GALNT13: variants seen among roughly 807,000 people sequenced by gnomAD.
The protein encoded by GALNT13 is polypeptide N-acetylgalactosaminyltransferase 13.
Under a neutral mutation model 64.2 loss-of-function variants are expected in GALNT13, and 28 were observed. That is an observed-to-expected ratio of 0.44 (90% CI 0.32 to 0.60). GALNT13 has a LOEUF of 0.60. Among genes scored for constraint, GALNT13 ranks in the 20% least tolerant of loss-of-function variants. The probability of loss-of-function intolerance (pLI) is 0.05; values close to 1 mark genes in which losing one functional copy is unlikely to be tolerated. For missense variants in GALNT13, 577 were observed against 669.8 expected, an observed-to-expected ratio of 0.86 and a Z score of 1.53; for synonymous variants, 214 against 224.6, an observed-to-expected ratio of 0.95 and a Z score of 0.42.
At chr2:153,428,932 A>G in the GALNT13 span, among the ~76,000 whole-genome samples, 1 of 152,188 alleles carries the variant, frequency 6.6e-6, no homozygotes, top group Non-Finnish European at 1.5e-5. Context: ...GCCTGGCCCT[A>G]TCAAAGTAGG....
chr2:153,117,414 G>C, the GALNT13 span, among the ~76,000 whole-genome samples: 1 of 152,152 alleles, frequency 6.6e-6, no homozygotes, highest in African/African-American at 2.4e-5. Context: ...GAGTGGGTAT[G>C]TGGATCCTCA....
Position 154,003,773 on chromosome 2 carries a change from C to T in GALNT13, c.142+59134C>T, listed in dbSNP as rs982515418. Among the ~76,000 whole-genome samples, 6 of 152,056 alleles carry T rather than the reference C, an allele frequency of 3.9e-5. No homozygotes were observed. In the East Asian group the frequency reaches 5.8e-4, roughly 15 times the overall value. On this transcript the variant is annotated intron_variant, in intron 3 of 12. Transcript: ENST00000392825. ...TGCTGTTTTCATGATAGTGAGTGGGCGAATTGTGAGATCTGGTTGTTTAAA... is the reference window on the plus strand; with the variant it reads ...TGCTGTTTTCATGATAGTGAGTGGGTGAATTGTGAGATCTGGTTGTTTAAA...
chr2:153,917,198 A>T (rs569365669), intron 2 of GALNT13, among the ~76,000 whole-genome samples: 2 of 151,802 alleles, frequency 1.3e-5, no homozygotes, highest in African/African-American at 4.8e-5. Flanking sequence ...GTCTGTGTGT[A>T]TGTATTTATT....
chr2:153,825,205 A>T, the GALNT13 span, among the ~76,000 whole-genome samples: 1 of 152,216 alleles, frequency 6.6e-6, no homozygotes, highest in Non-Finnish European at 1.5e-5. Flanking sequence ...TTGAAGTCAA[A>T]GATGCTGCTT....
intron 8 of GALNT13, among the ~76,000 whole-genome samples, chr2:154,299,898 A>G (rs1693329455): frequency 6.6e-6 from 1 of 151,920 alleles, no homozygotes; most frequent in South Asian, 2.1e-4. Context: ...CTGTTTAAAA[A>G]TTATAAAATA....
intron 9 of GALNT13, among the ~76,000 whole-genome samples, chr2:154,366,854 C>T (rs934206058): frequency 6.6e-6 from 1 of 152,058 alleles, no homozygotes; most frequent in African/African-American, 2.4e-5. Context: ...TCAAATAAGT[C>T]AATTCCAAAT....
At chr2:154,336,530 G>A (rs1345682604) in intron 9 of GALNT13, among the ~76,000 whole-genome samples, 1 of 151,980 alleles carries the variant, frequency 6.6e-6, no homozygotes, top group Non-Finnish European at 1.5e-5. Flanking sequence ...TTACTGTGTT[G>A]GCAAAGCATT....
the GALNT13 span, chr2:153,761,899 T>A: frequency 2.4e-5 from 4 of 168,858 alleles, no homozygotes; most frequent in African/African-American, 9.4e-5. Context: ...AAAAACAGCA[T>A]GGTCCTTTTC....
chr2:153,100,864 A>G, the GALNT13 span, among the ~76,000 whole-genome samples: 2 of 152,078 alleles, frequency 1.3e-5, no homozygotes, highest in African/African-American at 4.8e-5. Flanking sequence ...CCCCATCTCT[A>G]CTAAAAAATA....
the GALNT13 span, among the ~76,000 whole-genome samples, chr2:153,562,060 C>CTGTGTGTGTGTGTGTGTGTGTGTG: frequency 8.4e-6 from 1 of 118,904 alleles, no homozygotes; most frequent in African/African-American, 3.8e-5. Context: ...CTCTCTCTCT[C>CTGTGTGTGTGTGTGTGTGTGTGTG]TGTGTGTGTG....
At chr2:153,188,880 C>T in the GALNT13 span, among the ~76,000 whole-genome samples, 1 of 152,110 alleles carries the variant, frequency 6.6e-6, no homozygotes, top group Non-Finnish European at 1.5e-5. Flanking sequence ...ACATGTGATA[C>T]TTTGTTACAT....
chr2:154,379,082 G>A (rs1698140411), intron 9 of GALNT13, among the ~76,000 whole-genome samples: 1 of 151,990 alleles, frequency 6.6e-6, no homozygotes, highest in Non-Finnish European at 1.5e-5. Flanking sequence ...TACATAATGT[G>A]TGCTTAATAA....
At chr2:153,404,806 C>G in the GALNT13 span, among the ~76,000 whole-genome samples, 1 of 152,090 alleles carries the variant, frequency 6.6e-6, no homozygotes, top group African/African-American at 2.4e-5. Context: ...TGGCTAAATG[C>G]TAGGGTATTC....
chr2:153,357,070 A>G, the GALNT13 span, among the ~76,000 whole-genome samples: 3 of 152,096 alleles, frequency 2.0e-5, no homozygotes, highest in Admixed American at 2.0e-4. Context: ...GGCCTCCCAA[A>G]GTGCTGGGAT....
At chr2:153,205,359 C>G in the GALNT13 span, among the ~76,000 whole-genome samples, 28,359 of 151,768 alleles carry the variant, frequency 0.19, 2,814 homozygotes, top group African/African-American at 0.25. Flanking sequence ...ATGTCACTTC[C>G]GTCTTCTCAA....
the GALNT13 span, among the ~76,000 whole-genome samples, chr2:153,525,528 A>G: frequency 6.6e-6 from 1 of 152,008 alleles, no homozygotes; most frequent in Non-Finnish European, 1.5e-5. Flanking sequence ...CCTGAGCTCT[A>G]CCTCCTGTCA....
At chr2:153,339,440 G>T in the GALNT13 span, among the ~76,000 whole-genome samples, 1 of 152,072 alleles carries the variant, frequency 6.6e-6, no homozygotes, top group Non-Finnish European at 1.5e-5. Flanking sequence ...ATTCATGTCT[G>T]CTAATTTTTA....
At chr2:153,560,640 A>C in the GALNT13 span, among the ~76,000 whole-genome samples, 1 of 152,050 alleles carries the variant, frequency 6.6e-6, no homozygotes, top group African/African-American at 2.4e-5. Context: ...AATTCTATAC[A>C]TATTTGAGCC....
chr2:153,606,240 TATACACACAC>T, the GALNT13 span, among the ~76,000 whole-genome samples: 1 of 152,090 alleles, frequency 6.6e-6, no homozygotes, highest in Non-Finnish European at 1.5e-5. Context: ...TACATACGTA[TATACACACAC>T]ATACACATAC....
Sources: allele counts gnomAD v4.1 joint callset (sites outside exome capture counted in the v4.1 genomes callset), GRCh38; gene constraint gnomAD v4.1.1; transcripts MANE v1.5; gene names NCBI Gene and HGNC (gene_info 2026-07-23, HGNC 2026-07-21).